Variants in BEAN1 observed in about 807,000 individuals in gnomAD.
BEAN1 encodes the protein protein BEAN1.
In BEAN1, 17 loss-of-function variants were observed where a neutral mutation model predicts 17.7. The observed-to-expected ratio is 0.96, with a 90% CI of 0.66 to 1.44. BEAN1 has a LOEUF of 1.44. Among genes scored for constraint, BEAN1 ranks in the 40% most tolerant of loss-of-function variants. BEAN1 has a pLI of 0.00. For synonymous variants in BEAN1, 142 were observed against 151.8 expected, an observed-to-expected ratio of 0.94 and a Z score of 0.47; for missense variants, 359 against 374.1, an observed-to-expected ratio of 0.96 and a Z score of 0.33.
chr16:66,472,336 G>A (rs1013734724), intron 3 of BEAN1, among the ~76,000 whole-genome samples: 1 of 152,266 alleles, frequency 6.6e-6, no homozygotes, highest in Non-Finnish European at 1.5e-5. Flanking sequence ...AGGCCTGGAG[G>A]AAGCGCTCCA....
At chr16:66,477,128 C>T (rs1258136481) in intron 3 of BEAN1, among the ~76,000 whole-genome samples, 2 of 152,168 alleles carry the variant, frequency 1.3e-5, no homozygotes, top group African/African-American at 2.4e-5. Context: ...GTTCCCTCCT[C>T]CCGGCCTTCC....
At chr16:66,480,564 G>A in intron 4 of BEAN1, 22 bp from the exon 5 acceptor site, 5 of 1,502,592 alleles carry the variant, frequency 3.3e-6, no homozygotes, top group Non-Finnish European at 4.5e-6. Context: ...GTGGGGCACT[G>A]AGGGAGCCTC....
chr16:66,478,583 CAG>C (rs1963859898), intron 4 of BEAN1, among the ~76,000 whole-genome samples: 1 of 152,132 alleles, frequency 6.6e-6, no homozygotes, highest in African/African-American at 2.4e-5. Flanking sequence ...GCCTTAGCGA[CAG>C]AGTGAGACTT....
chr16:66,433,784 C>T (rs563371881), intron 1 of BEAN1, among the ~76,000 whole-genome samples: 1 of 152,340 alleles, frequency 6.6e-6, no homozygotes, highest in East Asian at 1.9e-4. Context: ...TTTCACAAGG[C>T]CAGCCCACCC....
Position 66,461,192 on chromosome 16 carries a change from G to A in BEAN1, c.26-8410G>A, listed in dbSNP as rs139900847. 2.5e-3 allele frequency among the ~76,000 whole-genome samples: 383 copies of A among 151,420 alleles called. 1 individual carries two copies. Among genetic ancestry groups the A allele is most frequent in the African/African-American group, 8.7e-3 (359 of 41,206 alleles). ...GCTGGTACAGGGGGACAGGGAGACCGGGGGTGGGAAGGGGGATTGTCATCA... is the reference window on the plus strand; with the variant it reads ...GCTGGTACAGGGGGACAGGGAGACCAGGGGTGGGAAGGGGGATTGTCATCA... On this transcript the variant is annotated intron_variant, in intron 2 of 4. Transcript: ENST00000536005.
At position 66,490,457 on chromosome 16, in the gene BEAN1, T is replaced by A. The variant is rs201974938; in HGVS notation, c.148-2505T>A. Reference sequence around the variant, plus strand: ...AATAAAATAAAATAAAATAAAATAATAAAATAAAAAGAAACCTCTAAATTG... The same window carrying A: ...AATAAAATAAAATAAAATAAAATAAAAAAATAAAAAGAAACCTCTAAATTG... On this transcript the variant is annotated intron_variant, in intron 4 of 4. Coordinates refer to the BEAN1 transcript ENST00000561796. Among the ~76,000 whole-genome samples the A allele has an allele frequency of 1.4e-3, 136 of 100,622 alleles. 4 individuals are homozygous for A. The highest frequency in any genetic ancestry group is 1.4e-3 in the Non-Finnish European group (72 of 49,658). 66.0% of individuals were successfully genotyped at this position (100,622 alleles called of 152,430 possible).
exon 5 of BEAN1, chr16:66,493,334 G>A (rs1311569933): frequency 8.7e-6 from 6 of 686,850 alleles, no homozygotes; most frequent in African/African-American, 7.0e-5. Flanking sequence ...GTCCGAGACG[G>A]CCCTGGCAGA....
At chr16:66,450,578 T>C (rs961905245) in intron 2 of BEAN1, among the ~76,000 whole-genome samples, 2 of 151,974 alleles carry the variant, frequency 1.3e-5, no homozygotes, top group Non-Finnish European at 2.9e-5. Flanking sequence ...ATTAGCCAGG[T>C]GTGGTGGTAC....
rs1454105776 is a variant in BEAN1 at position 66,477,617 on chromosome 16, C to A, written c.347C>A (p.Ser116Tyr). ...CGCAGGATGCGCTATGCCTGCAGCT[C>A]CTCAGAGGACTGGCCCCCACCCTTG... ...SSRRMRYACS[S>Y]SEDWPPPLDI... The change falls in exon 4 of 5, where the codon TCC (serine) becomes TAC (tyrosine). Residue 116 changes from serine (S) to tyrosine (Y), a missense_variant. Physicochemically the swap from Ser to Tyr is moderately radical, Grantham distance 144. Transcript: ENST00000536005. 6.4e-7 allele frequency: 1 copy of A among 1,551,266 alleles called. No individual in the cohort carries two copies. Among genetic ancestry groups the A allele is most frequent in the South Asian group, 1.2e-5 (1 of 83,976 alleles).
chr16:66,493,591 C>T, downstream of BEAN1: 1 of 552,736 alleles, frequency 1.8e-6, no homozygotes. Context: ...CAGCCCTGGC[C>T]CCTGGCCCTT....
In BEAN1 at chr16:66,459,168, T is replaced by G. The variant is rs999249881; in HGVS notation, c.26-10434T>G. Among the ~76,000 whole-genome samples the G allele has an allele frequency of 2.6e-5, 4 of 152,308 alleles. No individual in the cohort carries two copies. In the South Asian group the frequency reaches 6.2e-4, roughly 24 times the overall value. On this transcript the variant is annotated intron_variant, in intron 2 of 4. Transcript: ENST00000536005. ...TCCTCTAGCCTGAGTTCCAAGCTCA[T>G]GGGGACCCTTGCAGCAGCCTCCTCC...
At chr16:66,487,340 C>A (rs759195479), downstream of BEAN1, among the ~76,000 whole-genome samples, 33 of 152,094 alleles carry the variant, frequency 2.2e-4, no homozygotes, top group South Asian at 1.2e-3. Context: ...CCTTCCTGGG[C>A]TGTCCTCAAG....
chr16:66,444,625 G>A (rs1020521809), intron 2 of BEAN1, among the ~76,000 whole-genome samples: 1 of 152,180 alleles, frequency 6.6e-6, no homozygotes, highest in Non-Finnish European at 1.5e-5. Flanking sequence ...CAGCCCAGGA[G>A]AGGGTAACTG....
At chr16:66,463,474 AT>A (rs1237796645) in intron 2 of BEAN1, among the ~76,000 whole-genome samples, 4 of 152,054 alleles carry the variant, frequency 2.6e-5, no homozygotes, top group Admixed American at 6.6e-5. Flanking sequence ...TCTTTTGACA[AT>A]TTTTTTAATT....
chr16:66,447,944 C>A (rs906788089), intron 2 of BEAN1, among the ~76,000 whole-genome samples: 1 of 152,202 alleles, frequency 6.6e-6, no homozygotes, highest in African/African-American at 2.4e-5. Flanking sequence ...CAGGAGGGAG[C>A]CTGCTGCTCT....
intron 4 of BEAN1, among the ~76,000 whole-genome samples, chr16:66,491,701 T>A (rs747878794): frequency 3.9e-5 from 6 of 152,150 alleles, no homozygotes; most frequent in Non-Finnish European, 7.4e-5. Context: ...CCTCAGACCA[T>A]CAAGCATTAG....
chr16:66,480,874 C>G lies in BEAN1; in HGVS notation c.729C>G (p.Gly243=). ...GPDPGPRGSQ[G]SPTPTRAPAS... is the part of the protein sequence containing the mutation. ...ACCCAGGGCCAAGGGGCTCCCAGGGCTCACCCACCCCAACCCGGGCCCCAG... is the reference window on the plus strand; with the variant it reads ...ACCCAGGGCCAAGGGGCTCCCAGGGGTCACCCACCCCAACCCGGGCCCCAG... The change falls in exon 5 of 5, where the codon GGC becomes GGG. Residue 243 remains glycine, a synonymous_variant. Transcript: ENST00000536005. 6.8e-7 allele frequency: 1 copy of G among 1,481,480 alleles called. No individual in the cohort carries two copies. The highest frequency in any genetic ancestry group is 9.0e-7 in the Non-Finnish European group (1 of 1,110,732). 91.8% of individuals were successfully genotyped at this position (1,481,480 alleles called of 1,614,324 possible). A position where few individuals can be genotyped will look rare whatever the true frequency, so the allele number is the denominator to read the frequency against.
intron 2 of BEAN1, among the ~76,000 whole-genome samples, chr16:66,467,496 C>T (rs1040927953): frequency 6.6e-5 from 10 of 152,156 alleles, no homozygotes; most frequent in South Asian, 2.1e-4. Flanking sequence ...ATCACGAGAA[C>T]AGCATGGGAG....
intron 1 of BEAN1, among the ~76,000 whole-genome samples, chr16:66,430,319 T>C (rs1409675993): frequency 6.6e-6 from 1 of 152,230 alleles, no homozygotes; most frequent in Non-Finnish European, 1.5e-5. Flanking sequence ...ATTTTCTCTT[T>C]GAATTCTGAT....
Sources: allele counts gnomAD v4.1 joint callset (sites outside exome capture counted in the v4.1 genomes callset), GRCh38; gene constraint gnomAD v4.1.1; transcripts MANE v1.5; gene names NCBI Gene and HGNC (gene_info 2026-07-23, HGNC 2026-07-21).